Variants in CTNNA2 observed in about 807,000 individuals in gnomAD.
CTNNA2 encodes catenin alpha-2.
In CTNNA2, 42 loss-of-function variants were observed where a neutral mutation model predicts 101.0. That is an observed-to-expected ratio of 0.42 (90% confidence interval 0.32 to 0.54). CTNNA2 has a LOEUF of 0.54. CTNNA2 is among the 20% of genes least tolerant of loss of function. The pLI, the probability that CTNNA2 is intolerant of heterozygous loss-of-function variation, is 0.14. For synonymous variants in CTNNA2, 450 were observed against 456.4 expected (o/e 0.99, Z 0.18); for missense variants, 871 against 1,223.1 (o/e 0.71, Z 4.29).
At chr2:80,607,605 CCATTTCAGTCTCT>C (rs1330917388) in intron 16 of CTNNA2, among the ~76,000 whole-genome samples, 1 of 151,842 alleles carries the variant, frequency 6.6e-6, no homozygotes, top group Non-Finnish European at 1.5e-5. Flanking sequence ...TAGTCATGAA[CCATTTCAGTCTCT>C]CATTTAAAGG....
chr2:80,313,494 T>A (rs941011685), intron 7 of CTNNA2: 1 of 1,569,706 alleles, frequency 6.4e-7, no homozygotes, highest in East Asian at 2.3e-5. Flanking sequence ...AAACAAGAGC[T>A]GTGGTTGAAG....
At chr2:80,077,275 T>C (rs1423378734) in intron 7 of CTNNA2, among the ~76,000 whole-genome samples, 1 of 152,150 alleles carries the variant, frequency 6.6e-6, no homozygotes, top group Non-Finnish European at 1.5e-5. Flanking sequence ...AATAACACTT[T>C]AAGAAAGTAA....
At chr2:80,038,055 G>C (rs1206608300) in intron 7 of CTNNA2, among the ~76,000 whole-genome samples, 1 of 65,612 alleles carries the variant, frequency 1.5e-5, no homozygotes, top group Admixed American at 2.0e-4. Context: ...ATACAAGTTG[G>C]TTTTGAAAAT....
intron 2 of CTNNA2, among the ~76,000 whole-genome samples, chr2:79,655,010 A>C: frequency 6.6e-6 from 1 of 152,294 alleles, no homozygotes; most frequent in Middle Eastern, 3.4e-3. Context: ...ATAATTGTAT[A>C]TGTTTAATTT....
intron 4 of CTNNA2, among the ~76,000 whole-genome samples, chr2:79,406,380 G>A (rs957049189): frequency 6.6e-6 from 1 of 152,032 alleles, no homozygotes; most frequent in Admixed American, 6.6e-5. Context: ...ACTTAAAAGC[G>A]CAGCTTCTAA....
chr2:80,124,715 G>A (rs572688757), intron 7 of CTNNA2, among the ~76,000 whole-genome samples: 1 of 152,272 alleles, frequency 6.6e-6, no homozygotes, highest in African/African-American at 2.4e-5. Flanking sequence ...TAAATGTACA[G>A]CGTTGCCATG....
chr2:79,577,161 A>G (rs1045335435), intron 1 of CTNNA2, among the ~76,000 whole-genome samples: 10 of 152,144 alleles, frequency 6.6e-5, no homozygotes, highest in Admixed American at 2.0e-4. Flanking sequence ...GAAAGTTCTT[A>G]TAACTGGACT....
chr2:80,478,808 T>G (rs183529598), intron 9 of CTNNA2, among the ~76,000 whole-genome samples: 8 of 152,248 alleles, frequency 5.3e-5, no homozygotes, highest in African/African-American at 1.7e-4. Context: ...AATTAGGTGA[T>G]ACTGTGATGC....
chr2:80,503,084 G>A (rs1455855271), intron 9 of CTNNA2, among the ~76,000 whole-genome samples: 1 of 152,082 alleles, frequency 6.6e-6, no homozygotes, highest in East Asian at 1.9e-4. Flanking sequence ...GTGATAGGAG[G>A]ATTGCTTGAG....
intron 7 of CTNNA2, among the ~76,000 whole-genome samples, chr2:80,043,671 A>T (rs1010412230): frequency 1.3e-5 from 2 of 152,236 alleles, no homozygotes; most frequent in Admixed American, 6.5e-5. Flanking sequence ...TGATAGAGAA[A>T]TGGAAGCCTA....
intron 7 of CTNNA2, among the ~76,000 whole-genome samples, chr2:79,963,135 C>A (rs1393738322): frequency 6.6e-6 from 1 of 150,496 alleles, no homozygotes; most frequent in South Asian, 2.1e-4. Flanking sequence ...GCCATATTGC[C>A]TAAAGATTGT....
At chr2:80,176,876 T>G (rs757185070) in intron 7 of CTNNA2, among the ~76,000 whole-genome samples, 19 of 152,178 alleles carry the variant, frequency 1.2e-4, no homozygotes, top group Non-Finnish European at 2.5e-4. Context: ...AACTTCCAGT[T>G]TAATAGAATC....
chr2:80,147,218 G>T (rs1437685506), intron 7 of CTNNA2, among the ~76,000 whole-genome samples: 1 of 151,990 alleles, frequency 6.6e-6, no homozygotes, highest in East Asian at 1.9e-4. Context: ...CACCGGCCTT[G>T]GCTTCCCAAA....
chr2:80,479,196 A>G (rs1382804918), intron 9 of CTNNA2, among the ~76,000 whole-genome samples: 1 of 152,078 alleles, frequency 6.6e-6, no homozygotes. Context: ...CCATTTTATT[A>G]TAACCAACTC....
chr2:79,949,579 G>A (rs1688738659), intron 7 of CTNNA2, among the ~76,000 whole-genome samples: 2 of 151,312 alleles, frequency 1.3e-5, no homozygotes, highest in South Asian at 4.2e-4. Context: ...ATCAGCCTGG[G>A]CAACATAGCT....
intron 4 of CTNNA2, among the ~76,000 whole-genome samples, chr2:79,426,795 G>T (rs1678596526): frequency 6.6e-6 from 1 of 151,956 alleles, no homozygotes; most frequent in African/African-American, 2.4e-5. Context: ...ATTCATTCAG[G>T]TCAATAAAAT....
chr2:79,641,968 T>C (rs1680476536), intron 1 of CTNNA2, among the ~76,000 whole-genome samples: 1 of 152,174 alleles, frequency 6.6e-6, no homozygotes, highest in African/African-American at 2.4e-5. Context: ...CAGCAAACTC[T>C]AGGCCATGTA....
intron 9 of CTNNA2, among the ~76,000 whole-genome samples, chr2:80,525,529 C>A (rs1488323556): frequency 6.6e-6 from 1 of 152,144 alleles, no homozygotes; most frequent in Non-Finnish European, 1.5e-5. Context: ...GGCAAAAAAA[C>A]AAACAACAAC....
chr2:79,539,000 A>G (rs1174443169), intron 1 of CTNNA2, among the ~76,000 whole-genome samples: 4 of 152,212 alleles, frequency 2.6e-5, no homozygotes, highest in Non-Finnish European at 5.9e-5. Context: ...ATCTGCTTAC[A>G]TCAAAATCAA....
Sources: allele counts gnomAD v4.1 joint callset (sites outside exome capture counted in the v4.1 genomes callset), GRCh38; gene constraint gnomAD v4.1.1; transcripts MANE v1.5; gene names NCBI Gene and HGNC (gene_info 2026-07-23, HGNC 2026-07-21).